AP4S1: variants seen among roughly 807,000 people sequenced by gnomAD.
AP4S1 encodes the protein adaptor related protein complex 4 subunit sigma 1, also known as AP-4 complex subunit sigma-1.
A neutral mutation model predicts 19.8 loss-of-function variants in AP4S1; 23 were observed. The ratio of observed to expected loss-of-function variants is 1.16; its 90% CI spans 0.84 to 1.65. AP4S1 has a LOEUF of 1.65. Ranked by LOEUF, AP4S1 falls within the 40% of genes most tolerant of loss-of-function variation. The probability of loss-of-function intolerance (pLI) is 0.00; values close to 1 mark genes in which losing one functional copy is unlikely to be tolerated. For synonymous variants in AP4S1, 46 were observed against 54.1 expected (o/e 0.85, Z 0.66); for missense variants, 166 against 172.8 (o/e 0.96, Z 0.22).
intron 1 of AP4S1, among the ~76,000 whole-genome samples, chr14:31,037,232 C>T (rs184352787): frequency 2.0e-5 from 3 of 152,140 alleles, no homozygotes; most frequent in Admixed American, 1.3e-4. Context: ...TATCTTCCTC[C>T]TGTTCTTGTT....
intron 1 of AP4S1, among the ~76,000 whole-genome samples, chr14:31,051,303 T>G (rs1885779907): frequency 6.6e-6 from 1 of 151,774 alleles, no homozygotes; most frequent in South Asian, 2.1e-4. Flanking sequence ...AAAGGGGATA[T>G]TCACATCCCA....
intron 3 of AP4S1, 110 bp downstream of exon 3, chr14:31,070,039 G>A: frequency 1.1e-6 from 1 of 898,568 alleles, no homozygotes; most frequent in Non-Finnish European, 1.8e-6. Context: ...CCTGTCACCA[G>A]TCTGGAGTGC....
At chr14:31,047,855 T>C (rs1885510754) in intron 1 of AP4S1, among the ~76,000 whole-genome samples, 1 of 152,096 alleles carries the variant, frequency 6.6e-6, no homozygotes, top group Admixed American at 6.6e-5. Context: ...CGGTTAATTT[T>C]AGTAGAGATG....
intron 5 of AP4S1, among the ~76,000 whole-genome samples, chr14:31,086,751 A>G (rs543736538): frequency 6.6e-6 from 1 of 152,284 alleles, no homozygotes; most frequent in Non-Finnish European, 1.5e-5. Context: ...AGAGTAAACC[A>G]GCTCCACTTT....
rs747508348 is a variant in AP4S1, at chr14:31,070,153, C to A, written c.225+224C>A. ...GGGATTACAGGCATGTGCCACCACA[C>A]CCGGCTAATTTTTTGTATTTAGTAG... On this transcript the variant is annotated intron_variant, in intron 3 of 5. Transcript: ENST00000542754. 2.0e-5 allele frequency among the ~76,000 whole-genome samples: 3 copies of A among 152,128 alleles called. 1 individual carries two copies. Among genetic ancestry groups the A allele is most frequent in the African/African-American group, 4.8e-5 (2 of 41,426 alleles).
intron 1 of AP4S1, among the ~76,000 whole-genome samples, chr14:31,061,906 G>A (rs896687386): frequency 2.0e-5 from 3 of 151,052 alleles, no homozygotes; most frequent in African/African-American, 2.4e-5. Context: ...TCCCAAATTC[G>A]GTGCTGGGAT....
intron 1 of AP4S1, chr14:31,026,308 C>A: frequency 9.2e-7 from 1 of 1,085,834 alleles, no homozygotes; most frequent in Non-Finnish European, 1.2e-6. Flanking sequence ...GGGAAGGGGT[C>A]GTTGCTGTGT....
intron 5 of AP4S1, among the ~76,000 whole-genome samples, chr14:31,083,065 G>A (rs1887736751): frequency 6.6e-6 from 1 of 152,160 alleles, no homozygotes; most frequent in African/African-American, 2.4e-5. Flanking sequence ...GAAGGGATAT[G>A]TATTATAGTT....
intron 1 of AP4S1, among the ~76,000 whole-genome samples, chr14:31,052,844 A>G (rs1445947162): frequency 6.6e-6 from 1 of 152,050 alleles, no homozygotes; most frequent in Non-Finnish European, 1.5e-5. Flanking sequence ...AAATGTGTAA[A>G]TATACATATC....
chr14:31,051,437 G>A (rs548275686), intron 1 of AP4S1, among the ~76,000 whole-genome samples: 32 of 152,138 alleles, frequency 2.1e-4, no homozygotes, highest in South Asian at 4.2e-4. Flanking sequence ...TTGGGAGACC[G>A]AGGCGGGCAG....
At chr14:31,048,680 A>G (rs1885557725) in intron 1 of AP4S1, among the ~76,000 whole-genome samples, 1 of 152,142 alleles carries the variant, frequency 6.6e-6, no homozygotes, top group Non-Finnish European at 1.5e-5. Context: ...CAGAGTTTAC[A>G]GTGAGCCAAG....
chr14:31,032,346 T>C (rs1351497590), intron 1 of AP4S1, among the ~76,000 whole-genome samples: 1 of 152,184 alleles, frequency 6.6e-6, no homozygotes, highest in Non-Finnish European at 1.5e-5. Flanking sequence ...TCGTATTTCA[T>C]GTGCATGTAT....
intron 1 of AP4S1, among the ~76,000 whole-genome samples, chr14:31,044,896 G>A (rs1264748646): frequency 6.6e-6 from 1 of 151,306 alleles, no homozygotes; most frequent in African/African-American, 2.4e-5. Context: ...TAAAAGATAC[G>A]TTTTCTATAA....
intron 1 of AP4S1, among the ~76,000 whole-genome samples, chr14:31,049,413 CA>C (rs1206930739): frequency 7.4e-4 from 32 of 43,534 alleles, no homozygotes; most frequent in East Asian, 4.5e-3. Context: ...GACTCGGTCT[CA>C]AAAAAAAAAA....
intron 2 of AP4S1, among the ~76,000 whole-genome samples, chr14:31,067,926 C>T (rs575640562): frequency 4.0e-5 from 6 of 151,474 alleles, no homozygotes; most frequent in African/African-American, 9.7e-5. Context: ...TGGAGTGCAA[C>T]GGCACGATCT....
chr14:31,072,026 A>T (rs1389804044), intron 3 of AP4S1, among the ~76,000 whole-genome samples: 1 of 150,372 alleles, frequency 6.7e-6, no homozygotes, highest in Admixed American at 6.7e-5. Context: ...GGTTCAAGTG[A>T]TCCTCCTAGG....
At chr14:31,031,472 TC>T (rs1884383189) in intron 1 of AP4S1, among the ~76,000 whole-genome samples, 1 of 152,346 alleles carries the variant, frequency 6.6e-6, no homozygotes, top group Non-Finnish European at 1.5e-5. Context: ...GAATATTTTT[TC>T]GTCACGTCAA....
At chr14:31,085,376 G>A (rs758922492) in intron 5 of AP4S1, 3 of 990,492 alleles carry the variant, frequency 3.0e-6, no homozygotes, top group Non-Finnish European at 2.4e-6. Context: ...AGAGAAGCAA[G>A]AGCAGGCTGG....
chr14:31,067,659 C>T (rs944933967), intron 2 of AP4S1, among the ~76,000 whole-genome samples: 5 of 151,754 alleles, frequency 3.3e-5, no homozygotes, highest in Non-Finnish European at 7.4e-5. Flanking sequence ...GCTGGGATTA[C>T]AGGCTCGTGC....
Sources: gnomAD v4.1 joint callset for allele counts (sites outside exome capture counted in the v4.1 genomes callset) on GRCh38, gnomAD v4.1.1 for gene constraint, MANE v1.5 for transcripts, NCBI Gene and HGNC (gene_info 2026-07-23, HGNC 2026-07-21) for gene names.